RAPGEF5: variants seen among roughly 807,000 people sequenced by gnomAD.
The protein encoded by RAPGEF5 is M-Ras-regulated GEF.
In RAPGEF5, 65 loss-of-function variants were observed where a neutral mutation model predicts 125.2. The ratio of observed to expected loss-of-function variants is 0.52; its 90% confidence interval spans 0.43 to 0.64. The LOEUF (loss-of-function observed/expected upper bound fraction) is 0.64, where lower values mean the gene tolerates loss of function less well. Ranked by LOEUF, RAPGEF5 falls within the 30% of genes least tolerant of loss-of-function variation. RAPGEF5 has a pLI of 0.00. For synonymous variants in RAPGEF5, 391 were observed against 385.9 expected, an observed-to-expected ratio of 1.01 and a Z score of -0.16; for missense variants, 958 against 1,048.1, an observed-to-expected ratio of 0.91 and a Z score of 1.19.
chr7:22,179,989 G>A lies in RAPGEF5; in HGVS notation c.1205-12841C>T, dbSNP rs185081196. On this transcript the variant is annotated intron_variant, in intron 11 of 25. Transcript: ENST00000665637. Reference sequence around the variant, plus strand: ...CTGCCTATGGAGTAGCCATTCTTTCGTTTCTCTACTTCTCTAACAAAGTTG... The same window carrying A: ...CTGCCTATGGAGTAGCCATTCTTTCATTTCTCTACTTCTCTAACAAAGTTG... 2.3e-4 allele frequency among the ~76,000 whole-genome samples: 35 copies of A among 152,192 alleles called. 1 individual carries two copies. In the East Asian group the frequency reaches 6.0e-3, roughly 26 times the overall value.
chr7:22,129,400 C>T (rs2128099089), intron 24 of RAPGEF5, among the ~76,000 whole-genome samples: 1 of 152,306 alleles, frequency 6.6e-6, no homozygotes, highest in African/African-American at 2.4e-5. Flanking sequence ...CATCCCACAT[C>T]TTCACAGATG....
intron 11 of RAPGEF5, among the ~76,000 whole-genome samples, chr7:22,190,267 G>T (rs888132980): frequency 6.6e-6 from 1 of 152,006 alleles, no homozygotes; most frequent in Non-Finnish European, 1.5e-5. Context: ...CAGACACTCC[G>T]TCTCAAAAGA....
chr7:22,129,195 T>A (rs1398560060), intron 24 of RAPGEF5, among the ~76,000 whole-genome samples: 1 of 151,998 alleles, frequency 6.6e-6, no homozygotes, highest in East Asian at 1.9e-4. Flanking sequence ...GGTGGCACTA[T>A]CTGAGGGGGA....
chr7:22,221,511 A>G (rs1415286676), intron 8 of RAPGEF5, among the ~76,000 whole-genome samples: 2 of 152,142 alleles, frequency 1.3e-5, no homozygotes, highest in Non-Finnish European at 2.9e-5. Context: ...CCCAAATCTC[A>G]TCTCAAATTG....
intron 7 of RAPGEF5, among the ~76,000 whole-genome samples, chr7:22,235,741 T>G (rs1024006236): frequency 6.6e-6 from 1 of 152,114 alleles, no homozygotes; most frequent in Non-Finnish European, 1.5e-5. Context: ...GTCACAATAT[T>G]TACTTTTGGA....
intron 1 of RAPGEF5, among the ~76,000 whole-genome samples, chr7:22,342,193 C>T (rs1291083119): frequency 6.6e-6 from 1 of 152,226 alleles, no homozygotes; most frequent in Non-Finnish European, 1.5e-5. Context: ...GGAGCTTCCA[C>T]CCTCTGAAGC....
intron 9 of RAPGEF5, among the ~76,000 whole-genome samples, chr7:22,200,480 G>A (rs2128127961): frequency 6.6e-6 from 1 of 152,300 alleles, no homozygotes; most frequent in African/African-American, 2.4e-5. Context: ...CAGAAGGAGA[G>A]TATTTAGATA....
At chr7:22,146,642 T>C (rs958428483) in intron 19 of RAPGEF5, among the ~76,000 whole-genome samples, 3 of 152,130 alleles carry the variant, frequency 2.0e-5, no homozygotes, top group African/African-American at 4.8e-5. Flanking sequence ...AATACATATA[T>C]ATATTTATAT....
intron 3 of RAPGEF5, chr7:22,314,584 T>C (rs1195724159): frequency 7.3e-6 from 7 of 963,274 alleles, no homozygotes; most frequent in Non-Finnish European, 8.6e-6. Flanking sequence ...TTTTTGGGTG[T>C]CATGAATCCT....
intron 5 of RAPGEF5, among the ~76,000 whole-genome samples, chr7:22,291,737 C>T (rs902384193): frequency 7.2e-5 from 11 of 152,116 alleles, no homozygotes; most frequent in African/African-American, 2.4e-4. Flanking sequence ...AATATAAAAA[C>T]GCAGAAGTTT....
At chr7:22,169,848 A>C in intron 11 of RAPGEF5, among the ~76,000 whole-genome samples, 1 of 86,200 alleles carries the variant, frequency 1.2e-5, no homozygotes, top group Non-Finnish European at 2.5e-5. Flanking sequence ...CAACAGAGCG[A>C]GACTCTGTGT....
intron 6 of RAPGEF5, among the ~76,000 whole-genome samples, chr7:22,275,841 T>TA (rs1395247981): frequency 6.6e-6 from 1 of 152,164 alleles, no homozygotes; most frequent in Non-Finnish European, 1.5e-5. Flanking sequence ...AATGAATAGA[T>TA]AAAAAATAAC....
At chr7:22,210,885 GC>G (rs1449154314) in intron 9 of RAPGEF5, among the ~76,000 whole-genome samples, 1 of 152,052 alleles carries the variant, frequency 6.6e-6, no homozygotes, top group Non-Finnish European at 1.5e-5. Flanking sequence ...CCTAAGTACT[GC>G]AACACTGATC....
At chr7:22,134,730 C>T (rs996486422) in intron 23 of RAPGEF5, among the ~76,000 whole-genome samples, 1 of 152,126 alleles carries the variant, frequency 6.6e-6, no homozygotes, top group African/African-American at 2.4e-5. Context: ...CTGCCACCTC[C>T]CACCCTCTAA....
In RAPGEF5 at chr7:22,316,635, C is replaced by T. The variant is rs114824573; in HGVS notation, c.283-1159G>A. ...CCTCCTAAGTAGCTGGAACTACAAG[C>T]ACACACCATCAAGCCCAGCTAATAT... On this transcript the variant is annotated intron_variant, in intron 2 of 25. Coordinates refer to ENST00000665637, the MANE Select transcript of RAPGEF5 (RefSeq NM_012294.5). Among the ~76,000 whole-genome samples the T allele has an allele frequency of 4.4e-3, 660 of 150,990 alleles. 7 individuals are homozygous for T. Among genetic ancestry groups the T allele is most frequent in the African/African-American group, 0.016 (640 of 41,116 alleles).
Position 22,203,188 on chromosome 7 carries a change from A to T in RAPGEF5, c.997-9155T>A, listed in dbSNP as rs770806132. Among the ~76,000 whole-genome samples, 6 of 152,286 alleles carry T rather than the reference A, an allele frequency of 3.9e-5. No individual in the cohort carries two copies. In the East Asian group the frequency reaches 1.2e-3, roughly 29 times the overall value. On this transcript the variant is annotated intron_variant, in intron 9 of 25. Transcript: ENST00000665637. The stretch of plus-strand genomic sequence containing the variant: ...TAACTACAGAGCTCACGGAACCTGC[A>T]GAAAAGGAGGTTCCAAGCCCCTCTG...
chr7:22,296,704 T>C (rs33999540), intron 5 of RAPGEF5, among the ~76,000 whole-genome samples: 33,060 of 152,126 alleles, frequency 0.22, 4,083 homozygotes, highest in East Asian at 0.53. Context: ...GGACTATTCC[T>C]GGGTTGGGCA....
At chr7:22,234,496 C>A (rs151228725) in intron 7 of RAPGEF5, among the ~76,000 whole-genome samples, 4 of 152,186 alleles carry the variant, frequency 2.6e-5, no homozygotes, top group African/African-American at 7.2e-5. Context: ...TCTCTCAACA[C>A]ACAGAGTCTA....
At chr7:22,291,118 T>C in intron 6 of RAPGEF5, 57 bp downstream of exon 6, 2 of 1,507,836 alleles carry the variant, frequency 1.3e-6, no homozygotes, top group Non-Finnish European at 1.8e-6. Flanking sequence ...ACTTCCCTTC[T>C]AGGACCCCAG....
Sources: allele counts gnomAD v4.1 joint callset (sites outside exome capture counted in the v4.1 genomes callset), GRCh38; gene constraint gnomAD v4.1.1; transcripts MANE v1.5; gene names NCBI Gene and HGNC (gene_info 2026-07-23, HGNC 2026-07-21).